Variants in GNAS-AS1 observed in about 807,000 individuals in gnomAD.
GNAS-AS1 encodes the protein GNAS antisense RNA 1, also known as GNAS antisense RNA 1 (non-protein coding).
chr20:58,847,300 G>A (rs2085975258), intron 2 of GNAS-AS1, among the ~76,000 whole-genome samples: 1 of 151,966 alleles, frequency 6.6e-6, no homozygotes, highest in South Asian at 2.1e-4. Flanking sequence ...TCATCCATTT[G>A]AGGCTTTTTT....
chr20:58,839,829 C>A (rs1184027111), intron 4 of GNAS-AS1: 4 of 593,712 alleles, frequency 6.7e-6, no homozygotes, highest in Non-Finnish European at 1.2e-5. Flanking sequence ...TAAGACTCAG[C>A]GAGAGGAGCC....
At chr20:58,824,082 AC>A in intron 4 of GNAS-AS1, 1 of 398,678 alleles carries the variant, frequency 2.5e-6, no homozygotes, top group East Asian at 3.6e-5. Context: ...TCCTAAAAGA[AC>A]CCATGAAGAA....
At chr20:58,848,682 C>T (rs1329462426) in intron 2 of GNAS-AS1, among the ~76,000 whole-genome samples, 1 of 152,168 alleles carries the variant, frequency 6.6e-6, no homozygotes, top group Non-Finnish European at 1.5e-5. Context: ...GATCACCAGA[C>T]AAGCCAACCA....
Position 58,836,720 on chromosome 20 carries a change from C to T in GNAS-AS1, n.819+5217G>A, listed in dbSNP as rs779305851. ...TGCATTTTAAAGAGCATCTGCTGTACGGCTCCATTTGCTCGACCTCGGCAC... is the reference window on the plus strand; with the variant it reads ...TGCATTTTAAAGAGCATCTGCTGTATGGCTCCATTTGCTCGACCTCGGCAC... On this transcript the variant is annotated intron_variant and non_coding_transcript_variant, in intron 4 of 4. Transcript: ENST00000424094. Among the ~76,000 whole-genome samples the T allele has an allele frequency of 9.8e-5, 15 of 152,314 alleles. No individual in the cohort carries two copies. The South Asian group carries it at 1.5e-3, about 15-fold the overall frequency.
chr20:58,840,125 G>A lies in GNAS-AS1; in HGVS notation n.819+1812C>T. On this transcript the variant is annotated intron_variant and non_coding_transcript_variant, in intron 4 of 4. Coordinates refer to ENST00000424094, the Ensembl canonical transcript of GNAS-AS1. This position sits in a 1 kb window ranked among gnomAD's most constrained non-coding sequence, Gnocchi z 6.0. ...TAAGAGGATGGATCGGAGGTCCCGG[G>A]CTCAGCAGTGGCGCCGAGCTCGCCA... The A allele has an allele frequency of 6.2e-7, 1 of 1,611,430 alleles. No individual in the cohort carries two copies. The highest frequency in any genetic ancestry group is 8.5e-7 in the Non-Finnish European group (1 of 1,179,984).
intron 4 of GNAS-AS1, among the ~76,000 whole-genome samples, chr20:58,831,697 T>TTTTA (rs1338594983): frequency 2.4e-4 from 37 of 152,238 alleles, no homozygotes; most frequent in African/African-American, 5.3e-4. Flanking sequence ...ATTCAAGCAG[T>TTTTA]TTTATTCATT....
chr20:58,823,749 C>G (rs2085501789), intron 4 of GNAS-AS1, among the ~76,000 whole-genome samples: 1 of 152,208 alleles, frequency 6.6e-6, no homozygotes, highest in Non-Finnish European at 1.5e-5. Context: ...TCTGACTTGG[C>G]AATGGGGGAA....
chr20:58,834,097 C>G (rs2085585752), intron 4 of GNAS-AS1: 2 of 152,296 alleles, frequency 1.3e-5, no homozygotes, highest in African/African-American at 2.4e-5. Flanking sequence ...CCTCCGGGCT[C>G]GAGGCGCGCT....
chr20:58,848,876 C>T (rs746424913), intron 2 of GNAS-AS1: 53 of 398,466 alleles, frequency 1.3e-4, no homozygotes, highest in Non-Finnish European at 2.2e-4. Context: ...TAGCTCCACT[C>T]ACCTAAAGGA....
chr20:58,824,899 G>A (rs2085509562), intron 4 of GNAS-AS1, among the ~76,000 whole-genome samples: 1 of 152,192 alleles, frequency 6.6e-6, no homozygotes, highest in Non-Finnish European at 1.5e-5. Flanking sequence ...AGAAAAGCTG[G>A]GAGTGAGAAC....
intron 4 of GNAS-AS1, among the ~76,000 whole-genome samples, chr20:58,822,371 GT>G (rs1224446380): frequency 6.6e-6 from 1 of 152,198 alleles, no homozygotes; most frequent in Non-Finnish European, 1.5e-5. Flanking sequence ...AGGCACAGGG[GT>G]GTGTGTGCTG....
At chr20:58,838,077 C>T (rs1449600550) in intron 4 of GNAS-AS1, among the ~76,000 whole-genome samples, 1 of 152,184 alleles carries the variant, frequency 6.6e-6, no homozygotes, top group East Asian at 1.9e-4. Flanking sequence ...GACCACAACC[C>T]ATGACATGTG....
At chr20:58,839,554 G>C (rs952328838) in intron 4 of GNAS-AS1, 1 of 402,694 alleles carries the variant, frequency 2.5e-6, no homozygotes, top group African/African-American at 2.1e-5. Context: ...CAGGCCCCCC[G>C]CCCATCGCTT....
chr20:58,820,385 C>T (rs935048543), intron 4 of GNAS-AS1, among the ~76,000 whole-genome samples: 4 of 152,232 alleles, frequency 2.6e-5, no homozygotes, highest in African/African-American at 4.8e-5. Context: ...CGGAGCCATA[C>T]CTGGCACCTG....
At chr20:58,831,295 G>A (rs773754907) in intron 4 of GNAS-AS1, among the ~76,000 whole-genome samples, 14 of 152,122 alleles carry the variant, frequency 9.2e-5, no homozygotes, top group Non-Finnish European at 1.9e-4. Context: ...GAAATGTGTG[G>A]CACTCACATC....
rs1255492971 is a variant in GNAS-AS1, at chr20:58,841,305, G to A, written n.819+632C>T. On this transcript the variant is annotated intron_variant and non_coding_transcript_variant, in intron 4 of 4. Transcript: ENST00000424094. This position sits in a 1 kb window ranked among gnomAD's most constrained non-coding sequence, Gnocchi z 5.0. ...TGGCCTTCTCAGGTGTCCAAAATGT[G>A]GTTCGGAGGTGCGCGCGCCAACTTT... 2 of 1,063,442 alleles carry A rather than the reference G, an allele frequency of 1.9e-6. No homozygotes were observed. Among genetic ancestry groups the A allele is most frequent in the Non-Finnish European group, 1.1e-6 (1 of 878,144 alleles). 65.9% of individuals were successfully genotyped at this position (1,063,442 alleles called of 1,614,324 possible). A position where few individuals can be genotyped will look rare whatever the true frequency, so the allele number is the denominator to read the frequency against.
intron 4 of GNAS-AS1, among the ~76,000 whole-genome samples, chr20:58,828,872 G>C (rs2085537349): frequency 6.7e-6 from 1 of 148,396 alleles, no homozygotes; most frequent in Non-Finnish European, 1.5e-5. Flanking sequence ...CACTCAACAT[G>C]GCAGAGCTCC....
At chr20:58,838,989 C>T in intron 4 of GNAS-AS1, 1 of 394,510 alleles carries the variant, frequency 2.5e-6, no homozygotes, top group Non-Finnish European at 4.5e-6. Context: ...GATTCCGTGT[C>T]ACCCTGAACT....
chr20:58,843,804 C>T (rs938938754), intron 2 of GNAS-AS1, among the ~76,000 whole-genome samples: 3 of 152,174 alleles, frequency 2.0e-5, no homozygotes, highest in Non-Finnish European at 4.4e-5. Flanking sequence ...TGTAACTGAA[C>T]TTATCTGAGC....
Sources: gnomAD v4.1 joint callset for allele counts (sites outside exome capture counted in the v4.1 genomes callset) on GRCh38, gnomAD v4.1.1 for gene constraint, Gnocchi (gnomAD v3.1) non-coding constraint, MANE v1.5 for transcripts, NCBI Gene and HGNC (gene_info 2026-07-23, HGNC 2026-07-21) for gene names.